LARGE1: variants seen among roughly 807,000 people sequenced by gnomAD.
The protein encoded by LARGE1 is LARGE xylosyl- and glucuronyltransferase 1.
Under a neutral mutation model 87.6 loss-of-function variants are expected in LARGE1, and 43 were observed. The observed-to-expected ratio is 0.49, with a 90% confidence interval of 0.38 to 0.63. The LOEUF is 0.63. LARGE1 is among the 30% of genes least tolerant of loss of function. LARGE1 has a pLI of 0.00. For synonymous variants in LARGE1, 434 were observed against 394.6 expected (o/e 1.10, Z -1.18); for missense variants, 802 against 1,000.2 (o/e 0.80, Z 2.67).
At chr22:33,885,087 C>T (rs1248063542) in intron 1 of LARGE1, among the ~76,000 whole-genome samples, 2 of 152,260 alleles carry the variant, frequency 1.3e-5, no homozygotes, top group Admixed American at 6.5e-5. Context: ...TTATCATCCT[C>T]GTTTTGCCCA....
At chr22:33,836,729 C>CTT (rs2063118046) in intron 1 of LARGE1, among the ~76,000 whole-genome samples, 1 of 151,634 alleles carries the variant, frequency 6.6e-6, no homozygotes, top group Non-Finnish European at 1.5e-5. Flanking sequence ...AGACCAGTAA[C>CTT]TTAACCCTTC....
chr22:33,887,307 C>T (rs1666661194), intron 1 of LARGE1, among the ~76,000 whole-genome samples: 1 of 152,146 alleles, frequency 6.6e-6, no homozygotes, highest in Admixed American at 6.5e-5. Context: ...TAGAGAGCTC[C>T]CTCGCCCCTT....
At chr22:33,196,209 C>T (rs945319676) in intron 11 of LARGE1, among the ~76,000 whole-genome samples, 5 of 148,480 alleles carry the variant, frequency 3.4e-5, no homozygotes, top group African/African-American at 1.2e-4. Flanking sequence ...GATAAGAAAG[C>T]CAAAAATTGT....
intron 1 of LARGE1, among the ~76,000 whole-genome samples, chr22:33,877,767 C>T (rs1448218004): frequency 1.3e-5 from 2 of 151,754 alleles, no homozygotes; most frequent in Non-Finnish European, 2.9e-5. Flanking sequence ...TACAAAAATA[C>T]AAAAATTAGC....
downstream of LARGE1, among the ~76,000 whole-genome samples, chr22:33,270,847 C>A (rs530141074): frequency 6.6e-6 from 1 of 152,174 alleles, no homozygotes; most frequent in Non-Finnish European, 1.5e-5. Flanking sequence ...GTCAACTCAG[C>A]AAATATGTGC....
intron 6 of LARGE1, among the ~76,000 whole-genome samples, chr22:33,506,342 A>G (rs902943106): frequency 3.9e-5 from 6 of 152,150 alleles, no homozygotes; most frequent in Non-Finnish European, 7.4e-5. Flanking sequence ...GAAGCCATAC[A>G]TCTCTTGAGG....
intron 7 of LARGE1, among the ~76,000 whole-genome samples, chr22:33,404,848 T>C (rs980483517): frequency 1.3e-5 from 2 of 152,128 alleles, no homozygotes; most frequent in African/African-American, 4.8e-5. Flanking sequence ...GGGTGAACTT[T>C]CTCCCTAGCA....
rs1412864650 is a variant in LARGE1, at chr22:33,767,771, T to C, written c.-82-6213A>G. Among the ~76,000 whole-genome samples, 6 of 152,018 alleles carry C rather than the reference T, an allele frequency of 3.9e-5. 1 individual carries two copies. Among genetic ancestry groups the C allele is most frequent in the Non-Finnish European group, 7.4e-5 (5 of 67,994 alleles). On this transcript the variant is annotated intron_variant, in intron 1 of 14. Transcript: ENST00000397394. ...TAAGAAAAAAATATATACACACACA[T>C]ACACACAAACACACACATATATGGG...
At chr22:33,822,879 T>A (rs891060869) in intron 1 of LARGE1, among the ~76,000 whole-genome samples, 1 of 152,138 alleles carries the variant, frequency 6.6e-6, no homozygotes, top group African/African-American at 2.4e-5. Context: ...GCCAATGAAC[T>A]GTAAGCAAAA....
At chr22:33,753,520 T>G (rs948008486) in intron 2 of LARGE1, among the ~76,000 whole-genome samples, 4 of 152,122 alleles carry the variant, frequency 2.6e-5, no homozygotes, top group African/African-American at 9.7e-5. Flanking sequence ...CCTCTGGAAC[T>G]GTAAGATAAT....
rs1922298404 is a variant in LARGE1, at chr22:33,166,783, CT to C, written c.1779del (p.Val594PhefsTer24). The C allele has an allele frequency of 2.1e-6, 1 of 471,544 alleles. No individual in the cohort carries two copies. The highest frequency in any genetic ancestry group is 4.4e-6 in the Non-Finnish European group (1 of 227,132). 29.2% of individuals were successfully genotyped at this position (471,544 alleles called of 1,614,324 possible). ...GACAATTATAGGCATGTGTTTGGAACTGTCGTCTTGCAGCTGATGATGGGAG... is the reference window on the plus strand; with the variant it reads ...GACAATTATAGGCATGTGTTTGGAACGTCGTCTTGCAGCTGATGATGGGAG... On this transcript the variant is annotated frameshift_variant, in exon 12 of 12. Transcript: ENST00000608642. LOFTEE classifies it high-confidence loss of function.
chr22:33,480,948 A>G (rs2069294198), intron 6 of LARGE1, among the ~76,000 whole-genome samples: 1 of 152,154 alleles, frequency 6.6e-6, no homozygotes, highest in Non-Finnish European at 1.5e-5. Context: ...ATATACCAAA[A>G]TTTAACAACT....
At chr22:33,862,556 C>A (rs2063962650) in intron 1 of LARGE1, among the ~76,000 whole-genome samples, 1 of 152,160 alleles carries the variant, frequency 6.6e-6, no homozygotes, top group Non-Finnish European at 1.5e-5. Flanking sequence ...GTGTACCTGA[C>A]ACTGTGACCG....
chr22:33,736,383 A>G (rs111858362), intron 2 of LARGE1, among the ~76,000 whole-genome samples: 1 of 152,362 alleles, frequency 6.6e-6, no homozygotes, highest in Non-Finnish European at 1.5e-5. Flanking sequence ...TTCCCCAATA[A>G]CTAATGATGC....
rs34588361 is a variant in LARGE1 at position 33,844,079 on chromosome 22, C to CAAAA, written c.-83+75912_-83+75915dup. Among the ~76,000 whole-genome samples the CAAAA allele has an allele frequency of 2.4e-5, 3 of 122,824 alleles. No homozygotes were observed. The South Asian group carries it at 8.0e-4, about 33-fold the overall frequency. The allele number at this position is 122,824 out of a possible 152,430, so 80.6% of individuals were successfully genotyped here. A position where few individuals can be genotyped will look rare whatever the true frequency, so the allele number is the denominator to read the frequency against. On this transcript the variant is annotated intron_variant, in intron 1 of 14. Transcript: ENST00000397394. ...GGGTGACAAAAGTGAAACTCCGTCT[C>CAAAA]AAAAAAAAAAAAAAAAGACAAGAAA...
In LARGE1 at chr22:33,283,254, A is replaced by G; in HGVS notation, c.1825T>C (p.Ser609Pro). Residue 609 changes from serine (S) to proline (P), a missense_variant, in exon 13 of 15, where the codon TCA becomes CCA. This residue lies in a region of LARGE1 where 625 missense variants were observed against 841.9 expected (regional missense o/e 0.74). Coordinates refer to ENST00000397394, the MANE Select transcript of LARGE1 (RefSeq NM_133642.5). ...AGCATTGACAGCAACTCCGCTTTTG[A>G]CTTGGGGAAGGACAGCCGGTAGCGC... is the stretch of plus-strand genomic sequence containing the variant. ...TLRYRLSFPKSKAELLSMLDM... is the reference protein window; with the variant it reads ...TLRYRLSFPKPKAELLSMLDM... The G allele has an allele frequency of 6.2e-7, 1 of 1,614,090 alleles. No individual in the cohort carries two copies. The highest frequency in any genetic ancestry group is 1.1e-5 in the South Asian group (1 of 91,072).
downstream of LARGE1, among the ~76,000 whole-genome samples, chr22:33,271,097 C>T (rs1414539058): frequency 6.6e-6 from 1 of 152,188 alleles, no homozygotes; most frequent in Non-Finnish European, 1.5e-5. Context: ...ATGAGCATAG[C>T]AAGATTTGGC....
intron 1 of LARGE1, among the ~76,000 whole-genome samples, chr22:33,894,818 C>T (rs2065090769): frequency 6.6e-6 from 1 of 152,100 alleles, no homozygotes; most frequent in African/African-American, 2.4e-5. Context: ...TGGGAAAACA[C>T]AATGAGAATC....
chr22:33,532,130 G>A (rs145999804), intron 6 of LARGE1, among the ~76,000 whole-genome samples: 1 of 152,192 alleles, frequency 6.6e-6, no homozygotes, highest in Non-Finnish European at 1.5e-5. Flanking sequence ...GGGATGAAGA[G>A]GACCAAATCT....
Sources: allele counts gnomAD v4.1 joint callset (sites outside exome capture counted in the v4.1 genomes callset), GRCh38; gene constraint gnomAD v4.1.1; regional missense constraint gnomAD v4.1.1; transcripts MANE v1.5; gene names NCBI Gene and HGNC (gene_info 2026-07-23, HGNC 2026-07-21).